Variants in USP13 observed in about 807,000 individuals in gnomAD.
USP13 encodes the protein ubiquitin carboxyl-terminal hydrolase 13.
USP13 carries 68 observed loss-of-function variants against 107.8 expected under a neutral mutation model. The ratio of observed to expected loss-of-function variants is 0.63; its 90% CI spans 0.52 to 0.77. The LOEUF (loss-of-function observed/expected upper bound fraction) is 0.77. Ranked by LOEUF, USP13 falls within the 30% of genes least tolerant of loss-of-function variation. USP13 has a pLI of 0.00. For missense variants in USP13, 945 were observed against 1,093.3 expected (o/e 0.86, Z 1.91); for synonymous variants, 377 against 389.5 (o/e 0.97, Z 0.38).
intron 1 of USP13, among the ~76,000 whole-genome samples, 182 bp from the exon 2 acceptor site, chr3:179,681,696 G>C (rs991740213): frequency 1.2e-4 from 18 of 152,094 alleles, no homozygotes; most frequent in African/African-American, 4.3e-4. Context: ...AGTCTGTCCG[G>C]CTCTCTGTCT....
At chr3:179,741,649 GC>G in intron 11 of USP13, among the ~76,000 whole-genome samples, 1 of 152,170 alleles carries the variant, frequency 6.6e-6, no homozygotes, top group East Asian at 1.9e-4. Context: ...GAGCCACTGT[GC>G]CCGGCCAACA....
Position 179,740,193 on chromosome 3 carries a change from G to A in USP13, c.1255-54G>A, listed in dbSNP as rs1170114423. On this transcript the variant is annotated intron_variant, in intron 10 of 20. Transcript: ENST00000263966. ...TGGGTTCTGCTCTGCTTGCCGCTTAGGGCTGTTAATTTGCATGAAAGTATC... is the reference window on the plus strand; with the variant it reads ...TGGGTTCTGCTCTGCTTGCCGCTTAAGGCTGTTAATTTGCATGAAAGTATC... 7 of 1,606,474 alleles carry A rather than the reference G, an allele frequency of 4.4e-6. No homozygotes were observed. The East Asian group carries it at 1.6e-4, about 36-fold the overall frequency.
intron 19 of USP13, among the ~76,000 whole-genome samples, chr3:179,777,545 T>C (rs1371804872): frequency 6.7e-6 from 1 of 148,804 alleles, no homozygotes; most frequent in Non-Finnish European, 1.5e-5. Flanking sequence ...CTCAATCCCC[T>C]GGGCTCCAGC....
At chr3:179,705,715 T>A (rs1712688000) in intron 4 of USP13, among the ~76,000 whole-genome samples, 1 of 152,002 alleles carries the variant, frequency 6.6e-6, no homozygotes, top group African/African-American at 2.4e-5. Flanking sequence ...ATTATTTTTA[T>A]TTTTTATTAA....
intron 4 of USP13, among the ~76,000 whole-genome samples, chr3:179,701,458 C>A (rs1398558416): frequency 6.6e-6 from 1 of 152,156 alleles, no homozygotes. Flanking sequence ...TCAAACTCTG[C>A]ACCCCAGATC....
chr3:179,712,950 T>C (rs955448727), intron 6 of USP13, among the ~76,000 whole-genome samples: 1 of 152,220 alleles, frequency 6.6e-6, no homozygotes, highest in African/African-American at 2.4e-5. Context: ...TTCTTAGTAT[T>C]CTTGGCCATT....
At position 179,672,892 on chromosome 3, in the gene USP13, T is replaced by C. The variant is rs528857229; in HGVS notation, c.169-8986T>C. Among the ~76,000 whole-genome samples the C allele has an allele frequency of 5.3e-5, 8 of 152,320 alleles. No individual in the cohort carries two copies. In the South Asian group the frequency reaches 1.7e-3, roughly 32 times the overall value. On this transcript the variant is annotated intron_variant, in intron 1 of 20. Coordinates refer to ENST00000263966, the MANE Select transcript of USP13 (RefSeq NM_003940.3). ...AATGATCATTAGAATCCTATTTAGC[T>C]TAGGATTGTGCACAGAACTGCACAT... is the stretch of plus-strand genomic sequence containing the variant.
chr3:179,721,342 A>T lies in USP13; in HGVS notation c.901-60A>T. 6.4e-7 allele frequency: 1 copy of T among 1,557,864 alleles called. No homozygotes were observed. The highest frequency in any genetic ancestry group is 1.2e-5 in the South Asian group (1 of 83,142). ...TATGCTGTTAGAAATAATTAACGGG[A>T]CATGACCTTTGAATGGGAATCACAT... On this transcript the variant is annotated intron_variant, in intron 7 of 20. Transcript: ENST00000263966. This position sits in a 1 kb window ranked among gnomAD's most constrained non-coding sequence, Gnocchi z 4.3.
intron 1 of USP13, among the ~76,000 whole-genome samples, chr3:179,681,546 G>A (rs1346323395): frequency 1.3e-5 from 2 of 152,054 alleles, no homozygotes; most frequent in African/African-American, 4.8e-5. Flanking sequence ...CACCGAGCGC[G>A]TCCTCAGGAG....
chr3:179,758,502 ATT>A (rs879505016), intron 16 of USP13, among the ~76,000 whole-genome samples: 2 of 146,314 alleles, frequency 1.4e-5, no homozygotes, highest in African/African-American at 5.0e-5. Context: ...CCTTTCTTAA[ATT>A]TTTTTTTTTT....
rs1715926786 is a variant in USP13 at position 179,786,836 on chromosome 3, C to T, written c.*2695C>T. Reference sequence around the variant, plus strand: ...TGGTGGTCTAATTGTGAAATTCTCCCTGTATATGGGTGTCTGTGTGAAAGA... The same window carrying T: ...TGGTGGTCTAATTGTGAAATTCTCCTTGTATATGGGTGTCTGTGTGAAAGA... On this transcript the variant is annotated 3_prime_UTR_variant, in exon 21 of 21. Coordinates refer to ENST00000263966, the MANE Select transcript of USP13 (RefSeq NM_003940.3). 6.6e-6 allele frequency: 1 copy of T among 152,176 alleles called. No homozygotes were observed. Among genetic ancestry groups the T allele is most frequent in the Non-Finnish European group, 1.5e-5 (1 of 68,022 alleles). The allele number at this position is 152,176 out of a possible 1,614,324, so 9.4% of individuals were successfully genotyped here. A position where few individuals can be genotyped will look rare whatever the true frequency, so the allele number is the denominator to read the frequency against.
chr3:179,730,127 C>A, intron 8 of USP13, 62 bp from the exon 9 acceptor site: 1 of 1,477,758 alleles, frequency 6.8e-7, no homozygotes, highest in Non-Finnish European at 9.3e-7. Flanking sequence ...ATTTTGATGG[C>A]TTGTTTTGGT....
At chr3:179,767,417 A>G (rs1715211094) in intron 19 of USP13, among the ~76,000 whole-genome samples, 3 of 148,646 alleles carry the variant, frequency 2.0e-5, no homozygotes, top group Admixed American at 1.3e-4. Flanking sequence ...ATGCATTGTT[A>G]GTTTTTTTTG....
At chr3:179,670,185 T>G (rs1435803234) in intron 1 of USP13, among the ~76,000 whole-genome samples, 16 of 152,200 alleles carry the variant, frequency 1.1e-4, no homozygotes, top group Admixed American at 1.0e-3. Flanking sequence ...CTCAGCCTCC[T>G]AGAGACAACC....
rs776068277 is a variant in USP13 at position 179,721,452 on chromosome 3, G to T, written c.951G>T (p.Trp317Cys). 5 of 1,614,128 alleles carry T rather than the reference G, an allele frequency of 3.1e-6. No homozygotes were observed. The highest frequency in any genetic ancestry group is 4.2e-6 in the Non-Finnish European group (5 of 1,179,994). ...ACATCAAGCTGAGGGTCAGTGAGTGGGAAGTGATCCAGGAGTCGGGCACGA... is the reference window on the plus strand; with the variant it reads ...ACATCAAGCTGAGGGTCAGTGAGTGTGAAGTGATCCAGGAGTCGGGCACGA... The part of the protein sequence containing the change: ...DNDIKLRVSE[W>C]EVIQESGTKL... The change falls in exon 8 of 21, where the codon TGG becomes TGT. Residue 317 changes from tryptophan to cysteine, a missense_variant. Coordinates refer to ENST00000263966, the MANE Select transcript of USP13 (RefSeq NM_003940.3). The surrounding 1 kb of genome is among the most constrained non-coding windows in gnomAD (Gnocchi z 4.3).
chr3:179,717,668 C>A (rs1713155328), intron 6 of USP13, among the ~76,000 whole-genome samples: 1 of 27,896 alleles, frequency 3.6e-5, no homozygotes, highest in African/African-American at 7.5e-5. Flanking sequence ...CCATTTTCAC[C>A]TTGAGCTAGT....
intron 1 of USP13, among the ~76,000 whole-genome samples, chr3:179,657,533 T>A (rs13063920): frequency 6.6e-6 from 1 of 151,984 alleles, no homozygotes; most frequent in African/African-American, 2.4e-5. Flanking sequence ...GAGGCTGAGG[T>A]GGACAGATCA....
At chr3:179,768,925 CTT>C (rs1314878304) in intron 19 of USP13, among the ~76,000 whole-genome samples, 2 of 151,998 alleles carry the variant, frequency 1.3e-5, no homozygotes, top group African/African-American at 2.4e-5. Context: ...AAAATTAACA[CTT>C]ATATTGAAGG....
chr3:179,684,817 AT>A (rs1214047267), intron 2 of USP13, among the ~76,000 whole-genome samples: 39 of 137,858 alleles, frequency 2.8e-4, no homozygotes, highest in African/African-American at 1.0e-3. Context: ...AGCCATATTT[AT>A]TTTTTTTTCC....
Sources: gnomAD v4.1 joint callset for allele counts (sites outside exome capture counted in the v4.1 genomes callset) on GRCh38, gnomAD v4.1.1 for gene constraint, Gnocchi (gnomAD v3.1) non-coding constraint, MANE v1.5 for transcripts, NCBI Gene and HGNC (gene_info 2026-07-23, HGNC 2026-07-21) for gene names.